Variants in LY96 observed in about 807,000 individuals in gnomAD.
The protein encoded by LY96 is myeloid differentiation protein-2.
Under a neutral mutation model 18.9 loss-of-function variants are expected in LY96, and 18 were observed. The ratio of observed to expected loss-of-function variants is 0.95; its 90% CI spans 0.66 to 1.41. The LOEUF (loss-of-function observed/expected upper bound fraction) is 1.41. Among genes scored for constraint, LY96 ranks in the 40% most tolerant of loss-of-function variants. LY96 has a pLI of 0.00. For missense variants in LY96, 175 were observed against 182.4 expected, an observed-to-expected ratio of 0.96 and a Z score of 0.23; for synonymous variants, 66 against 62.6, an observed-to-expected ratio of 1.06 and a Z score of -0.26.
At chr8:74,019,099 CA>C (rs1208714739) in intron 3 of LY96, among the ~76,000 whole-genome samples, 1 of 151,880 alleles carries the variant, frequency 6.6e-6, no homozygotes, top group East Asian at 1.9e-4. Context: ...GAGATAGAGA[CA>C]AAAAAACCCT....
chr8:74,037,391 G>A, the LY96 span, among the ~76,000 whole-genome samples: 38 of 152,294 alleles, frequency 2.5e-4, 1 homozygote, highest in East Asian at 6.6e-3. Flanking sequence ...CACTTTGGGA[G>A]GCTGAGGTGG....
chr8:74,027,979 GA>G (rs1816903504), intron 4 of LY96, among the ~76,000 whole-genome samples: 1 of 152,090 alleles, frequency 6.6e-6, no homozygotes, highest in Admixed American at 6.6e-5. Context: ...AGTTTCTTCG[GA>G]CCCACAATAA....
chr8:74,037,206 T>C, the LY96 span, among the ~76,000 whole-genome samples: 1 of 152,172 alleles, frequency 6.6e-6, no homozygotes, highest in East Asian at 1.9e-4. Context: ...TGGATTCAAA[T>C]TCCTTGGTTG....
chr8:74,093,986 A>G, the LY96 span, among the ~76,000 whole-genome samples: 1 of 152,206 alleles, frequency 6.6e-6, no homozygotes, highest in Admixed American at 6.5e-5. Flanking sequence ...TTAGTCAAGC[A>G]ATAAATAATA....
intron 1 of LY96, among the ~76,000 whole-genome samples, chr8:74,001,647 T>C (rs1485793203): frequency 6.6e-6 from 1 of 150,862 alleles, no homozygotes; most frequent in Admixed American, 6.6e-5. Flanking sequence ...AGTCCAGGAG[T>C]TCAAGACCAG....
At chr8:74,083,044 C>T in the LY96 span, among the ~76,000 whole-genome samples, 1 of 152,004 alleles carries the variant, frequency 6.6e-6, no homozygotes, top group Non-Finnish European at 1.5e-5. Context: ...GTGTCCTGAA[C>T]CCATTTTCCC....
chr8:74,045,003 G>T, the LY96 span, among the ~76,000 whole-genome samples: 1 of 152,258 alleles, frequency 6.6e-6, no homozygotes, highest in Admixed American at 6.5e-5. Flanking sequence ...TAAAATTCCT[G>T]TCAGCCATTG....
chr8:74,093,181 C>G, the LY96 span, among the ~76,000 whole-genome samples: 4 of 152,154 alleles, frequency 2.6e-5, no homozygotes, highest in Non-Finnish European at 5.9e-5. Context: ...TTCTGCAAGC[C>G]GAGCTCAAAT....
At chr8:74,074,717 A>G in the LY96 span, among the ~76,000 whole-genome samples, 1 of 152,154 alleles carries the variant, frequency 6.6e-6, no homozygotes, top group African/African-American at 2.4e-5. Flanking sequence ...GAAAATTTTC[A>G]GTTTCCTTAA....
chr8:74,060,749 C>T, the LY96 span, among the ~76,000 whole-genome samples: 1 of 152,166 alleles, frequency 6.6e-6, no homozygotes, highest in Non-Finnish European at 1.5e-5. Flanking sequence ...TCTGGTCACT[C>T]CTTGCCCTCA....
At chr8:73,991,634 G>A in intron 1 of LY96, 80 bp downstream of exon 1, 1 of 852,336 alleles carries the variant, frequency 1.2e-6, no homozygotes, top group Non-Finnish European at 2.0e-6. Context: ...ACACTGTTGT[G>A]GCTGGAACAC....
intron 3 of LY96, among the ~76,000 whole-genome samples, chr8:74,014,394 G>GAA (rs60971901): frequency 3.9e-4 from 44 of 112,862 alleles, no homozygotes; most frequent in African/African-American, 1.4e-3. Flanking sequence ...AAAAAAAAAA[G>GAA]AAAAAAAAAA....
the LY96 span, among the ~76,000 whole-genome samples, chr8:74,060,530 T>C: frequency 6.6e-6 from 1 of 152,250 alleles, no homozygotes; most frequent in Admixed American, 6.5e-5. Flanking sequence ...AGGTGTTTTT[T>C]CTCTCCACTT....
At chr8:73,996,372 C>CCTTCCTTTCTTTCTTTCTTTCTTTCTTT (rs1816135382) in intron 1 of LY96, among the ~76,000 whole-genome samples, 2 of 110,910 alleles carry the variant, frequency 1.8e-5, no homozygotes, top group Admixed American at 9.4e-5. Flanking sequence ...TTCCTTCATT[C>CCTTCCTTTCTTTCTTTCTTTCTTTCTTT]CTTTCTTTCT....
the LY96 span, among the ~76,000 whole-genome samples, chr8:74,069,564 A>G: frequency 6.6e-6 from 1 of 151,962 alleles, no homozygotes; most frequent in Non-Finnish European, 1.5e-5. Flanking sequence ...TTCATTAATC[A>G]GCAGCCAATC....
intron 1 of LY96, among the ~76,000 whole-genome samples, chr8:74,004,023 A>G (rs1005880834): frequency 6.6e-6 from 1 of 152,114 alleles, no homozygotes; most frequent in African/African-American, 2.4e-5. Flanking sequence ...TACCAGCCCA[A>G]GCTGCTGTCT....
intron 2 of LY96, 89 bp from the exon 3 acceptor site, chr8:74,009,912 G>A: frequency 1.1e-6 from 1 of 901,160 alleles, no homozygotes; most frequent in South Asian, 1.4e-5. Flanking sequence ...GAAAAGCACA[G>A]GGCCCCTTTT....
At chr8:74,001,356 T>C (rs1816264012) in intron 1 of LY96, among the ~76,000 whole-genome samples, 1 of 151,778 alleles carries the variant, frequency 6.6e-6, no homozygotes, top group Non-Finnish European at 1.5e-5. Flanking sequence ...CCCGAATAGC[T>C]GAGATGACAG....
the LY96 span, among the ~76,000 whole-genome samples, chr8:74,089,177 G>A: frequency 6.6e-6 from 1 of 152,160 alleles, no homozygotes; most frequent in Non-Finnish European, 1.5e-5. Context: ...AATAGCTGGT[G>A]GTTGTGACTT....
Sources: gnomAD v4.1 joint callset for allele counts (sites outside exome capture counted in the v4.1 genomes callset) on GRCh38, gnomAD v4.1.1 for gene constraint, MANE v1.5 for transcripts, NCBI Gene and HGNC (gene_info 2026-07-23, HGNC 2026-07-21) for gene names.